ZNF248: variants seen among roughly 807,000 people sequenced by gnomAD.
The protein encoded by ZNF248 is zinc finger protein 248, also known as KRAB protein domain.
In ZNF248, 20 loss-of-function variants were observed where a neutral mutation model predicts 44.3. That is an observed-to-expected ratio of 0.45 (90% confidence interval 0.32 to 0.66). The LOEUF is 0.66. Among genes scored for constraint, ZNF248 ranks in the 30% least tolerant of loss-of-function variants. ZNF248 has a pLI of 0.04. For synonymous variants in ZNF248, 224 were observed against 229.0 expected (o/e 0.98, Z 0.20); for missense variants, 654 against 677.0 (o/e 0.97, Z 0.38).
chr10:37,775,879 G>C (rs1464318944), downstream of ZNF248, among the ~76,000 whole-genome samples: 1 of 152,218 alleles, frequency 6.6e-6, no homozygotes, highest in East Asian at 1.9e-4. Context: ...AGTTGCAACA[G>C]AACCTGGCAG....
the ZNF248 span, among the ~76,000 whole-genome samples, chr10:37,769,374 TAAA>T: frequency 1.3e-5 from 2 of 152,146 alleles, no homozygotes; most frequent in East Asian, 3.9e-4. Flanking sequence ...AAATCCTCAA[TAAA>T]ATACTGGCAA....
At position 37,793,228 on chromosome 10, in the gene ZNF248, G is replaced by A. The variant is rs193210318; in HGVS notation, c.331-16653C>T. ...CACATGCCTGTAGTCCCAGCTACTC[G>A]GGAGGCTGAGGCAGCAGAATTGCTT... On this transcript the variant is annotated intron_variant, in intron 6 of 6. Transcript: ENST00000615949. Among the ~76,000 whole-genome samples, 442 of 152,088 alleles carry A rather than the reference G, an allele frequency of 2.9e-3. 2 individuals carry two copies. The highest frequency in any genetic ancestry group is 0.01 in the African/African-American group (418 of 41,488).
intron 6 of ZNF248, among the ~76,000 whole-genome samples, chr10:37,799,489 G>A (rs1360048976): frequency 2.0e-5 from 3 of 152,150 alleles, no homozygotes; most frequent in African/African-American, 7.2e-5. Flanking sequence ...AACGTGGGAG[G>A]CAGAGGTTGC....
chr10:37,856,230 T>C (rs2061258341), intron 3 of ZNF248, 66 bp downstream of exon 3: 2 of 1,553,404 alleles, frequency 1.3e-6, no homozygotes, highest in Non-Finnish European at 1.8e-6. Context: ...TTTCAAAACA[T>C]AAACCCTTAT....
chr10:37,788,629 A>G (rs1274417522), intron 6 of ZNF248, among the ~76,000 whole-genome samples: 3 of 152,196 alleles, frequency 2.0e-5, no homozygotes, highest in Admixed American at 2.0e-4. Flanking sequence ...TCAAAAAATA[A>G]AGAAAATACA....
intron 3 of ZNF248, among the ~76,000 whole-genome samples, chr10:37,847,877 T>C (rs1564654483): frequency 6.6e-6 from 1 of 152,192 alleles, no homozygotes; most frequent in African/African-American, 2.4e-5. Context: ...CACTTTTGTG[T>C]AAGTTTGCAA....
intron 5 of ZNF248, among the ~76,000 whole-genome samples, chr10:37,834,157 GTAA>G (rs1404305347): frequency 1.3e-5 from 2 of 151,966 alleles, no homozygotes; most frequent in Admixed American, 6.6e-5. Context: ...ACTAATAATA[GTAA>G]TAATAATAAA....
intron 6 of ZNF248, among the ~76,000 whole-genome samples, chr10:37,815,908 G>A (rs2052365962): frequency 6.6e-6 from 1 of 151,538 alleles, no homozygotes; most frequent in African/African-American, 2.4e-5. Context: ...ACCTTTTCCT[G>A]GGCATGTGTG....
the ZNF248 span, among the ~76,000 whole-genome samples, chr10:37,763,728 C>A: frequency 2.0e-5 from 3 of 152,120 alleles, no homozygotes; most frequent in Non-Finnish European, 4.4e-5. Flanking sequence ...ACAGAGGGAC[C>A]GGCTGAAGCC....
chr10:37,788,932 C>T (rs2048197375), intron 6 of ZNF248, among the ~76,000 whole-genome samples: 1 of 151,330 alleles, frequency 6.6e-6, no homozygotes, highest in Non-Finnish European at 1.5e-5. Flanking sequence ...AGTGCAGTGG[C>T]ACAACGTTGG....
chr10:37,781,803 T>C (rs1564457728), intron 6 of ZNF248, among the ~76,000 whole-genome samples: 1 of 152,236 alleles, frequency 6.6e-6, no homozygotes, highest in Non-Finnish European at 1.5e-5. Context: ...GAGCAGTCTG[T>C]ACAGCTTGTT....
chr10:37,825,261 A>G (rs1219126932), downstream of ZNF248, among the ~76,000 whole-genome samples: 1 of 152,214 alleles, frequency 6.6e-6, no homozygotes, highest in Admixed American at 6.5e-5. Flanking sequence ...GCCTAGTGAT[A>G]TAAGCCAACA....
chr10:37,820,195 T>G, intron 6 of ZNF248: 1 of 1,267,072 alleles, frequency 7.9e-7, no homozygotes, highest in Non-Finnish European at 1.2e-6. Context: ...AGTGCAGATA[T>G]TTTTTATATT....
chr10:37,800,725 C>T (rs2049705660), intron 6 of ZNF248, among the ~76,000 whole-genome samples: 1 of 151,960 alleles, frequency 6.6e-6, no homozygotes, highest in Non-Finnish European at 1.5e-5. Flanking sequence ...AACTAATTTA[C>T]ATTCCCACCA....
At position 37,828,780 on chromosome 10, in the gene ZNF248, A is replaced by G. The variant is rs980892313; in HGVS notation, c.*2835T>C. On this transcript the variant is annotated 3_prime_UTR_variant, in exon 6 of 6. Transcript: ENST00000395867. Reference sequence around the variant, plus strand: ...TCAAACAGTGCAGGGACAACTGGCTATTTATTTGGAAGAATACAGAGCTGC... The same window carrying G: ...TCAAACAGTGCAGGGACAACTGGCTGTTTATTTGGAAGAATACAGAGCTGC... The G allele has an allele frequency of 5.1e-6, 5 of 985,218 alleles. No individual in the cohort carries two copies. The African/African-American group carries it at 5.2e-5, about 10-fold the overall frequency. The allele number at this position is 985,218 out of a possible 1,614,324, so 61.0% of individuals were successfully genotyped here.
chr10:37,830,438 C>T lies in ZNF248; in HGVS notation c.*1177G>A, dbSNP rs1173795855. On this transcript the variant is annotated 3_prime_UTR_variant, in exon 6 of 6. Transcript: ENST00000395867. ...ATACTGGCCAACCTACAAAGAGACTCCGGTAGTATTTAGAGTAGGACAGAT... is the reference window on the plus strand; with the variant it reads ...ATACTGGCCAACCTACAAAGAGACTTCGGTAGTATTTAGAGTAGGACAGAT... The T allele has an allele frequency of 3.0e-6, 3 of 985,174 alleles. No homozygotes were observed. Among genetic ancestry groups the T allele is most frequent in the Non-Finnish European group, 3.6e-6 (3 of 829,926 alleles). 61.0% of individuals were successfully genotyped at this position (985,174 alleles called of 1,614,324 possible). A position where few individuals can be genotyped will look rare whatever the true frequency, so the allele number is the denominator to read the frequency against.
intron 6 of ZNF248, among the ~76,000 whole-genome samples, chr10:37,786,909 T>G (rs1208776): frequency 1.1e-3 from 173 of 152,306 alleles, no homozygotes; most frequent in Non-Finnish European, 1.9e-3. Context: ...GTAGCTCATG[T>G]TTTAGGTGTC....
At chr10:37,767,647 C>T in the ZNF248 span, among the ~76,000 whole-genome samples, 1 of 152,166 alleles carries the variant, frequency 6.6e-6, no homozygotes, top group Non-Finnish European at 1.5e-5. Flanking sequence ...AAAGGAACAA[C>T]CAGTTCCAGC....
At chr10:37,791,199 G>A (rs922628898) in intron 6 of ZNF248, among the ~76,000 whole-genome samples, 66 of 151,192 alleles carry the variant, frequency 4.4e-4, no homozygotes, top group African/African-American at 1.6e-3. Context: ...CCGCCACCAC[G>A]ACCGGCTAAT....
Sources: gnomAD v4.1 joint callset for allele counts (sites outside exome capture counted in the v4.1 genomes callset) on GRCh38, gnomAD v4.1.1 for gene constraint, MANE v1.5 for transcripts, NCBI Gene and HGNC (gene_info 2026-07-23, HGNC 2026-07-21) for gene names.